The following DLC1 variants were observed in gnomAD, a reference collection of about 807,000 sequenced individuals.
The protein encoded by DLC1 is DLC1 Rho GTPase activating protein.
DLC1 carries 54 observed loss-of-function variants against 140.3 expected under a neutral mutation model. The ratio of observed to expected loss-of-function variants is 0.38; its 90% CI spans 0.31 to 0.48. The LOEUF is 0.48. Among genes scored for constraint, DLC1 ranks in the 20% least tolerant of loss-of-function variants. DLC1 has a pLI of 0.96. For synonymous variants in DLC1, 986 were observed against 728.1 expected, an observed-to-expected ratio of 1.35 and a Z score of -5.70; for missense variants, 2,536 against 1,907.0, an observed-to-expected ratio of 1.33 and a Z score of -6.14.
intron 1 of DLC1, among the ~76,000 whole-genome samples, 165 bp downstream of exon 1, chr8:13,514,437 G>A (rs556972631): frequency 5.5e-4 from 84 of 152,274 alleles, no homozygotes; most frequent in Non-Finnish European, 9.1e-4. Context: ...AAAACGAATT[G>A]ACTCAGAATT....
intron 2 of DLC1, among the ~76,000 whole-genome samples, chr8:13,494,357 G>A (rs1801403267): frequency 6.6e-6 from 1 of 152,108 alleles, no homozygotes; most frequent in Non-Finnish European, 1.5e-5. Flanking sequence ...TTCCTTTATT[G>A]CTAGATATGC....
intron 2 of DLC1, among the ~76,000 whole-genome samples, chr8:13,487,668 G>C (rs986822651): frequency 4.6e-5 from 7 of 152,008 alleles, no homozygotes; most frequent in Admixed American, 4.6e-4. Flanking sequence ...CCCCAACCCG[G>C]GTTCAAGCAG....
intron 4 of DLC1, among the ~76,000 whole-genome samples, chr8:13,337,945 T>TTTA (rs1833876622): frequency 6.6e-6 from 1 of 152,202 alleles, no homozygotes; most frequent in Non-Finnish European, 1.5e-5. Flanking sequence ...ACTTCATTCA[T>TTTA]TTATTCTTTC....
intron 5 of DLC1, among the ~76,000 whole-genome samples, chr8:13,171,491 A>G (rs1825477815): frequency 6.6e-6 from 1 of 152,152 alleles, no homozygotes; most frequent in Non-Finnish European, 1.5e-5. Context: ...CCTGGGCTCA[A>G]GCAATCCTCC....
At chr8:13,214,408 G>C in intron 5 of DLC1, 1 of 432,722 alleles carries the variant, frequency 2.3e-6, no homozygotes, top group East Asian at 3.6e-5. Context: ...TCTCCTATTT[G>C]CTTGGTCTGA....
chr8:13,323,076 G>C (rs1053018903), intron 4 of DLC1, among the ~76,000 whole-genome samples: 12 of 152,208 alleles, frequency 7.9e-5, no homozygotes, highest in African/African-American at 2.4e-4. Context: ...GCCTAGTCAA[G>C]TCTGTGGAAA....
intron 7 of DLC1, among the ~76,000 whole-genome samples, chr8:13,108,579 GA>G (rs1343706593): frequency 2.0e-5 from 3 of 152,300 alleles, no homozygotes; most frequent in Non-Finnish European, 4.4e-5. Flanking sequence ...CTGATATTCT[GA>G]AAAAGCATTC....
chr8:13,087,358 G>T (rs1293234299), intron 16 of DLC1, among the ~76,000 whole-genome samples: 4 of 152,216 alleles, frequency 2.6e-5, no homozygotes, highest in African/African-American at 9.6e-5. Flanking sequence ...CCATGAGTGT[G>T]CCACTGCACC....
intron 4 of DLC1, among the ~76,000 whole-genome samples, chr8:13,392,059 A>G (rs1009710542): frequency 1.3e-5 from 2 of 151,144 alleles, no homozygotes; most frequent in Non-Finnish European, 3.0e-5. Context: ...TTCCTTACCC[A>G]TTATGAAAAT....
chr8:13,310,920 C>G (rs975995358), intron 4 of DLC1, among the ~76,000 whole-genome samples: 1 of 152,108 alleles, frequency 6.6e-6, no homozygotes, highest in Non-Finnish European at 1.5e-5. Context: ...AGAATTTTTA[C>G]TATATCCATG....
intron 5 of DLC1, among the ~76,000 whole-genome samples, chr8:13,303,053 A>G (rs141864284): frequency 7.7e-4 from 118 of 152,306 alleles, no homozygotes; most frequent in African/African-American, 2.7e-3. Flanking sequence ...AGACACGAAC[A>G]TTTGTCTTGA....
At chr8:13,164,515 T>C (rs888779636) in intron 5 of DLC1, among the ~76,000 whole-genome samples, 2 of 152,134 alleles carry the variant, frequency 1.3e-5, no homozygotes, top group Non-Finnish European at 2.9e-5. Context: ...TTTTCTCTCA[T>C]CTTCCTGATG....
At chr8:13,462,139 C>G (rs1158152111) in intron 2 of DLC1, among the ~76,000 whole-genome samples, 1 of 152,200 alleles carries the variant, frequency 6.6e-6, no homozygotes, top group Admixed American at 6.5e-5. Flanking sequence ...AGAATTACCA[C>G]TGCAAGGCCA....
intron 2 of DLC1, among the ~76,000 whole-genome samples, chr8:13,496,345 T>A (rs1010692720): frequency 6.6e-6 from 1 of 152,170 alleles, no homozygotes; most frequent in Admixed American, 6.5e-5. Flanking sequence ...TCAGCTTATA[T>A]ACTAAATATT....
At chr8:13,254,133 A>T (rs1563200580) in intron 5 of DLC1, among the ~76,000 whole-genome samples, 1 of 151,978 alleles carries the variant, frequency 6.6e-6, no homozygotes, top group African/African-American at 2.4e-5. Context: ...TCTCCCTGGA[A>T]ATCCTTCTCC....
chr8:13,533,418 T>G (rs1803166835), intron 1 of DLC1, among the ~76,000 whole-genome samples: 1 of 152,202 alleles, frequency 6.6e-6, no homozygotes, highest in African/African-American at 2.4e-5. Context: ...CAAAATAACT[T>G]ATTTGGACCC....
At chr8:13,102,166 T>A (rs1404366379) in intron 8 of DLC1, among the ~76,000 whole-genome samples, 1 of 152,174 alleles carries the variant, frequency 6.6e-6, no homozygotes. Context: ...TTACTCTAAT[T>A]TGTGACACTT....
intron 4 of DLC1, among the ~76,000 whole-genome samples, chr8:13,360,649 G>GT (rs1835180446): frequency 1.3e-5 from 2 of 151,936 alleles, no homozygotes; most frequent in South Asian, 2.1e-4. Context: ...CTTACTCTGT[G>GT]TTTTTTGGTT....
intron 1 of DLC1, among the ~76,000 whole-genome samples, chr8:13,585,186 G>C (rs568871825): frequency 6.6e-6 from 1 of 152,160 alleles, no homozygotes; most frequent in Non-Finnish European, 1.5e-5. Context: ...TATAATCAGA[G>C]ATCTTGGCAG....
Sources: gnomAD v4.1 joint callset for allele counts (sites outside exome capture counted in the v4.1 genomes callset) on GRCh38, gnomAD v4.1.1 for gene constraint, MANE v1.5 for transcripts, NCBI Gene and HGNC (gene_info 2026-07-23, HGNC 2026-07-21) for gene names.